THRAP3: variants seen among roughly 807,000 people sequenced by gnomAD.
The protein encoded by THRAP3 is thyroid hormone receptor associated protein 3.
In THRAP3, 16 loss-of-function variants were observed where a neutral mutation model predicts 101.0. That is an observed-to-expected ratio of 0.16 (90% CI 0.11 to 0.24). The LOEUF (loss-of-function observed/expected upper bound fraction) is 0.24. THRAP3 is among the 10% of genes least tolerant of loss of function. The probability of loss-of-function intolerance (pLI) is 1.00; values close to 1 mark genes in which losing one functional copy is unlikely to be tolerated. For missense variants in THRAP3, 989 were observed against 1,202.7 expected (o/e 0.82, Z 2.63); for synonymous variants, 407 against 422.6 (o/e 0.96, Z 0.45).
At chr1:36,274,310 T>C (rs567894883) in intron 2 of THRAP3, among the ~76,000 whole-genome samples, 1 of 152,340 alleles carries the variant, frequency 6.6e-6, no homozygotes, top group Admixed American at 6.5e-5. Context: ...TTCATGGATT[T>C]GGAAGACTTA....
At chr1:36,285,395 G>A (rs746932387) in intron 3 of THRAP3, among the ~76,000 whole-genome samples, 12 of 152,130 alleles carry the variant, frequency 7.9e-5, no homozygotes, top group Admixed American at 2.6e-4. Flanking sequence ...ACCAACATAC[G>A]TAATTTTTGG....
intron 2 of THRAP3, among the ~76,000 whole-genome samples, chr1:36,260,102 C>T (rs1485108308): frequency 6.6e-6 from 1 of 151,936 alleles, no homozygotes; most frequent in Non-Finnish European, 1.5e-5. Flanking sequence ...ATTAGCCAGG[C>T]ATGGTGGCAG....
chr1:36,295,567 T>TCCTTCCTTCCTTCCTTCCCTCCTC (rs1557456428), intron 8 of THRAP3, among the ~76,000 whole-genome samples: 1 of 144,592 alleles, frequency 6.9e-6, no homozygotes, highest in Non-Finnish European at 1.5e-5. Flanking sequence ...CTTCCTTCCT[T>TCCTTCCTTCCTTCCTTCCCTCCTC]CCTTCCTTCC....
chr1:36,289,773 T>A lies in THRAP3; in HGVS notation c.1745+9T>A. The A allele has an allele frequency of 6.3e-7, 1 of 1,584,796 alleles. No homozygotes were observed. Among genetic ancestry groups the A allele is most frequent in the East Asian group, 2.2e-5 (1 of 44,744 alleles). On this transcript the variant is annotated intron_variant, in intron 5 of 11. Coordinates refer to ENST00000354618, the MANE Select transcript of THRAP3 (RefSeq NM_005119.4). ...GATGAGGACCTCGCACGGTGAGATA[T>A]GCTCCTTCTTGATCCTCAGTGCTTT...
intron 11 of THRAP3, among the ~76,000 whole-genome samples, 159 bp downstream of exon 11, chr1:36,301,855 G>A (rs1406904126): frequency 1.3e-5 from 2 of 152,248 alleles, no homozygotes; most frequent in Non-Finnish European, 2.9e-5. Context: ...CTAGATGGGT[G>A]TCCTCTAGAG....
chr1:36,253,951 A>C (rs1645342181), intron 1 of THRAP3, among the ~76,000 whole-genome samples: 1 of 151,950 alleles, frequency 6.6e-6, no homozygotes, highest in South Asian at 2.1e-4. Flanking sequence ...TCAACTCTGC[A>C]GCAAAAGCTA....
At chr1:36,270,027 A>G (rs942150975) in intron 2 of THRAP3, among the ~76,000 whole-genome samples, 2 of 152,212 alleles carry the variant, frequency 1.3e-5, no homozygotes, top group African/African-American at 4.8e-5. Context: ...AAGCTGGATG[A>G]TGGAAACACT....
chr1:36,249,995 CTT>C (rs751166877), intron 1 of THRAP3, among the ~76,000 whole-genome samples: 19 of 152,038 alleles, frequency 1.2e-4, no homozygotes, highest in South Asian at 6.2e-4. Flanking sequence ...AATTTGGTCT[CTT>C]GTTTATAGAC....
chr1:36,282,572 A>C lies in THRAP3; in HGVS notation c.9A>C (p.Lys3Asn). 6.2e-7 allele frequency: 1 copy of C among 1,614,070 alleles called. No homozygotes were observed. Among genetic ancestry groups the C allele is most frequent in the African/African-American group, 1.3e-5 (1 of 75,026 alleles). Residue 3 changes from lysine (K) to asparagine (N), a missense_variant, in exon 3 of 12, where the codon AAA (lysine) becomes AAC (asparagine). By Grantham distance (94) the Lys-to-Asn change is moderately conservative (BLOSUM62 0). Coordinates refer to ENST00000354618, the MANE Select transcript of THRAP3 (RefSeq NM_005119.4). The part of the protein sequence containing the change: MS[K>N]TNKSKSGSRS... Reference sequence around the variant, plus strand: ...TGATCCTCTCTTCAGAGATGTCAAAAACAAACAAATCCAAGTCTGGATCTC... The same window carrying C: ...TGATCCTCTCTTCAGAGATGTCAAACACAAACAAATCCAAGTCTGGATCTC...
chr1:36,264,920 A>G (rs1207953736), intron 2 of THRAP3, among the ~76,000 whole-genome samples: 1 of 152,108 alleles, frequency 6.6e-6, no homozygotes, highest in Non-Finnish European at 1.5e-5. Context: ...TGTCGGCAGG[A>G]TTGGTTCTTC....
At chr1:36,270,129 C>T (rs1346657160) in intron 2 of THRAP3, among the ~76,000 whole-genome samples, 3 of 152,160 alleles carry the variant, frequency 2.0e-5, no homozygotes, top group Non-Finnish European at 2.9e-5. Flanking sequence ...TGGCTCATGC[C>T]TGTAATCCCA....
chr1:36,260,717 G>C (rs1230602436), intron 2 of THRAP3, among the ~76,000 whole-genome samples: 3 of 151,856 alleles, frequency 2.0e-5, no homozygotes, highest in African/African-American at 7.3e-5. Context: ...AGCTACTCTG[G>C]AGGCTGAGGC....
At chr1:36,212,752 G>C in the THRAP3 span, among the ~76,000 whole-genome samples, 1 of 152,076 alleles carries the variant, frequency 6.6e-6, no homozygotes, top group Non-Finnish European at 1.5e-5. Flanking sequence ...TCAGAGTGCT[G>C]CTACCAGAAG....
chr1:36,248,728 G>A (rs1456384359), intron 1 of THRAP3, among the ~76,000 whole-genome samples: 1 of 151,936 alleles, frequency 6.6e-6, no homozygotes, highest in Non-Finnish European at 1.5e-5. Context: ...GGGCTCACTT[G>A]ATTTATACTT....
At chr1:36,233,573 A>G (rs1416322197) in intron 1 of THRAP3, among the ~76,000 whole-genome samples, 1 of 151,472 alleles carries the variant, frequency 6.6e-6, no homozygotes, top group African/African-American at 2.4e-5. Context: ...GGGCATGGGC[A>G]ACATGATGAA....
chr1:36,250,414 A>G (rs1454918045), intron 1 of THRAP3, among the ~76,000 whole-genome samples: 5 of 151,820 alleles, frequency 3.3e-5, no homozygotes, highest in Non-Finnish European at 5.9e-5. Flanking sequence ...AGGTTTCACT[A>G]TGTTGGCCGG....
chr1:36,228,544 G>C (rs1263522568), intron 1 of THRAP3, among the ~76,000 whole-genome samples: 1 of 152,100 alleles, frequency 6.6e-6, no homozygotes, highest in African/African-American at 2.4e-5. Flanking sequence ...TAGTAGAGAC[G>C]GGGTTTTGCC....
chr1:36,273,437 G>C (rs1403723214), intron 2 of THRAP3, among the ~76,000 whole-genome samples: 3 of 152,108 alleles, frequency 2.0e-5, no homozygotes, highest in Non-Finnish European at 4.4e-5. Context: ...ATATGATAAA[G>C]GGCATCTATG....
At chr1:36,214,700 T>C in the THRAP3 span, among the ~76,000 whole-genome samples, 1 of 151,318 alleles carries the variant, frequency 6.6e-6, no homozygotes, top group Admixed American at 6.6e-5. Context: ...CTACTAAAAA[T>C]GCAAAAAAAT....
Sources: gnomAD v4.1 joint callset for allele counts (sites outside exome capture counted in the v4.1 genomes callset) on GRCh38, gnomAD v4.1.1 for gene constraint, MANE v1.5 for transcripts, NCBI Gene and HGNC (gene_info 2026-07-23, HGNC 2026-07-21) for gene names.